HPS5: variants seen among roughly 807,000 people sequenced by gnomAD.
The protein encoded by HPS5 is BLOC-2 complex member HPS5.
Under a neutral mutation model 128.0 loss-of-function variants are expected in HPS5, and 83 were observed. The ratio of observed to expected loss-of-function variants is 0.65; its 90% CI spans 0.54 to 0.78. The LOEUF is 0.78. HPS5 is among the 30% of genes least tolerant of loss of function. The probability of loss-of-function intolerance (pLI) is 0.00; values close to 1 mark genes in which losing one functional copy is unlikely to be tolerated. For missense variants in HPS5, 1,281 were observed against 1,326.2 expected, an observed-to-expected ratio of 0.97 and a Z score of 0.53; for synonymous variants, 475 against 470.2, an observed-to-expected ratio of 1.01 and a Z score of -0.13.
chr11:18,305,569 G>A (rs1862251852), intron 7 of HPS5, 76 bp from the exon 8 acceptor site: 1 of 1,149,174 alleles, frequency 8.7e-7, no homozygotes, highest in Admixed American at 1.8e-5. Context: ...CCCAATATAG[G>A]GAAATTTTTG....
At chr11:18,288,456 T>C in intron 16 of HPS5, among the ~76,000 whole-genome samples, 1 of 152,296 alleles carries the variant, frequency 6.6e-6, no homozygotes, top group Middle Eastern at 3.4e-3. Flanking sequence ...AATTTTAAAA[T>C]ATTTGACCTT....
chr11:18,285,142 T>TA lies in HPS5; in HGVS notation c.2951+203dup, dbSNP rs532196282. On this transcript the variant is annotated intron_variant, in intron 20 of 22. Coordinates refer to ENST00000349215, the MANE Select transcript of HPS5 (RefSeq NM_181507.2). ...TGGAGGGGAATTAGCTAAGGCTATT[T>TA]AAAAAAAAAAAAAAAAGAAAAAAGC... Among the ~76,000 whole-genome samples the TA allele has an allele frequency of 0.032, 3,998 of 125,976 alleles. 150 individuals are homozygous for TA. The highest frequency in any genetic ancestry group is 0.095 in the South Asian group (383 of 4,024). 82.6% of individuals were successfully genotyped at this position (125,976 alleles called of 152,430 possible).
At position 18,305,453 on chromosome 11, in the gene HPS5, A is replaced by G; in HGVS notation, c.865T>C (p.Ser289Pro). The change falls in exon 8 of 23, where the codon TCT (serine) becomes CCT (proline). Residue 289 changes from serine (S) to proline (P), a missense_variant. Transcript: ENST00000349215. ...QYDHTAGSSQSLSFPKLLHLS... is the reference protein window; with the variant it reads ...QYDHTAGSSQPLSFPKLLHLS... Reference sequence around the variant, plus strand: ...TGTAAGAGTTTGGGGAAAGACAAAGACTGGGAGGATCCAGCTGTATGATCA... The same window carrying G: ...TGTAAGAGTTTGGGGAAAGACAAAGGCTGGGAGGATCCAGCTGTATGATCA... The G allele has an allele frequency of 6.2e-7, 1 of 1,611,092 alleles. No homozygotes were observed.
chr11:18,295,375 T>C (rs1324997933), intron 13 of HPS5, among the ~76,000 whole-genome samples: 1 of 152,214 alleles, frequency 6.6e-6, no homozygotes, highest in Non-Finnish European at 1.5e-5. Context: ...TTTACTAAAC[T>C]GCCCTAAGAA....
At position 18,291,909 on chromosome 11, in the gene HPS5, C is replaced by A. The variant is rs1247342646; in HGVS notation, c.1973G>T (p.Gly658Val). 1.7e-5 allele frequency: 27 copies of A among 1,608,646 alleles called. No individual in the cohort carries two copies. The highest frequency in any genetic ancestry group is 2.3e-5 in the Non-Finnish European group (27 of 1,177,926). ...GGATGAGTTGTCAGTATCTGAAACA[C>A]CTGAAAAGTCCTTCATGGCAAATGT... The part of the protein sequence containing the change: ...EKTFAMKDFS[G>V]VSDTDNSSMK... Residue 658 changes from glycine to valine, a missense_variant, in exon 16 of 23, where the codon GGT becomes GTT. Transcript: ENST00000349215.
At chr11:18,308,844 A>AT in intron 6 of HPS5, 102 bp downstream of exon 6, 1 of 1,212,062 alleles carries the variant, frequency 8.3e-7, no homozygotes, top group Non-Finnish European at 1.2e-6. Context: ...AAAAGAAAAA[A>AT]AATCTGTATA....
In HPS5 at chr11:18,305,409, A is replaced by G. The variant is rs773298520; in HGVS notation, c.896+13T>C. On this transcript the variant is annotated intron_variant, in intron 8 of 22. Transcript: ENST00000349215. ...CTTTTTCCCCCCCAGAACTAAGGAA[A>G]GTAGAAACTTACCTAAGATGTAAGA... is the stretch of plus-strand genomic sequence containing the variant. The G allele has an allele frequency of 6.4e-6, 10 of 1,551,276 alleles. No individual in the cohort carries two copies. Among genetic ancestry groups the G allele is most frequent in the Non-Finnish European group, 8.9e-6 (10 of 1,123,050 alleles).
chr11:18,296,740 G>C, intron 12 of HPS5, 58 bp downstream of exon 12: 2 of 1,445,450 alleles, frequency 1.4e-6, no homozygotes, highest in South Asian at 1.1e-5. Context: ...CCTGGTAACA[G>C]GAGCTCGTGG....
chr11:18,321,220 CCTGCTT>C (rs1412019249), intron 1 of HPS5, among the ~76,000 whole-genome samples: 1 of 152,162 alleles, frequency 6.6e-6, no homozygotes, highest in Non-Finnish European at 1.5e-5. Flanking sequence ...TTATCTCCTC[CCTGCTT>C]CTTTTTCCAG....
At chr11:18,312,962 GA>G (rs917470096) in intron 2 of HPS5, among the ~76,000 whole-genome samples, 1 of 152,172 alleles carries the variant, frequency 6.6e-6, no homozygotes, top group Non-Finnish European at 1.5e-5. Flanking sequence ...ATTTGCAGCT[GA>G]AAAAATGTCT....
chr11:18,286,604 C>T lies in HPS5; in HGVS notation c.2824G>A (p.Glu942Lys). 6.2e-7 allele frequency: 1 copy of T among 1,613,860 alleles called. No homozygotes were observed. The highest frequency in any genetic ancestry group is 8.5e-7 in the Non-Finnish European group (1 of 1,179,918). Residue 942 changes from glutamate (E) to lysine (K), a missense_variant, in exon 19 of 23, where the codon GAA (glutamate) becomes AAA (lysine). By Grantham distance (56) the Glu-to-Lys change is moderately conservative. Transcript: ENST00000349215. ...CTTCTTCTGTACCTGGGATAACCTT[C>T]ATCATCCATTGTGCTGGTGCTTGGT... ...APPSTSTMDDEGYPRPHSHLL... is the reference protein window; with the variant it reads ...APPSTSTMDDKGYPRPHSHLL...
chr11:18,286,441 G>A (rs1473740928), intron 19 of HPS5, 150 bp downstream of exon 19: 1 of 737,240 alleles, frequency 1.4e-6, no homozygotes, highest in African/African-American at 1.8e-5. Context: ...GGAAGCTAAG[G>A]TTGAAGGGTT....
At chr11:18,318,374 T>C (rs2133908120) in intron 1 of HPS5, among the ~76,000 whole-genome samples, 1 of 152,198 alleles carries the variant, frequency 6.6e-6, no homozygotes, top group East Asian at 1.9e-4. Context: ...CAGTGGTTTA[T>C]AGGAATAGGC....
intron 1 of HPS5, among the ~76,000 whole-genome samples, chr11:18,319,548 G>C (rs1337619539): frequency 6.6e-6 from 1 of 152,108 alleles, no homozygotes; most frequent in Non-Finnish European, 1.5e-5. Context: ...ACAAGCAACG[G>C]AATAATGAAA....
In HPS5 at chr11:18,293,928, AT is replaced by A. The variant is rs1554934310; in HGVS notation, c.1785-953del. 2.6e-4 allele frequency among the ~76,000 whole-genome samples: 39 copies of A among 152,160 alleles called. No individual in the cohort carries two copies. In the East Asian group the frequency reaches 6.8e-3, roughly 26 times the overall value. On this transcript the variant is annotated intron_variant, in intron 14 of 22. Coordinates refer to ENST00000349215, the MANE Select transcript of HPS5 (RefSeq NM_181507.2). The stretch of plus-strand genomic sequence containing the variant: ...TTAAATGCCATGTCAAAAAATCTGT[AT>A]TTTTTCTATAAACATATGGATTCAC...
chr11:18,305,404 A>C lies in HPS5; in HGVS notation c.896+18T>G. The C allele has an allele frequency of 6.6e-7, 1 of 1,526,600 alleles. No homozygotes were observed. 94.6% of individuals were successfully genotyped at this position (1,526,600 alleles called of 1,614,324 possible). A position where few individuals can be genotyped will look rare whatever the true frequency, so the allele number is the denominator to read the frequency against. ...GTATTCTTTTTCCCCCCCAGAACTA[A>C]GGAAAGTAGAAACTTACCTAAGATG... On this transcript the variant is annotated intron_variant, in intron 8 of 22. Transcript: ENST00000349215.
intron 20 of HPS5, among the ~76,000 whole-genome samples, chr11:18,284,904 A>T (rs915143681): frequency 6.6e-5 from 10 of 152,254 alleles, no homozygotes; most frequent in African/African-American, 2.4e-4. Context: ...TCCTTTATAA[A>T]TACAAATCCT....
At chr11:18,303,182 G>A (rs928369841) in intron 8 of HPS5, among the ~76,000 whole-genome samples, 3 of 152,124 alleles carry the variant, frequency 2.0e-5, no homozygotes, top group African/African-American at 4.8e-5. Context: ...AAACAAACAG[G>A]AATGAAAAGA....
rs1233436493 is a variant in HPS5 at position 18,291,838 on chromosome 11, CCTT to C, written c.2041_2043del (p.Lys681del). On this transcript the variant is annotated inframe_deletion, in exon 16 of 23. Coordinates refer to ENST00000349215, the MANE Select transcript of HPS5 (RefSeq NM_181507.2). ...TTTTCATTATCTTCATCTAATATTC[CCTT>C]TTTTGATTCATTAACTAATAGCACA... 6.2e-7 allele frequency: 1 copy of C among 1,611,446 alleles called. No homozygotes were observed. Among genetic ancestry groups the C allele is most frequent in the African/African-American group, 1.3e-5 (1 of 74,620 alleles).
Sources: gnomAD v4.1 joint callset for allele counts (sites outside exome capture counted in the v4.1 genomes callset) on GRCh38, gnomAD v4.1.1 for gene constraint, MANE v1.5 for transcripts, NCBI Gene and HGNC (gene_info 2026-07-23, HGNC 2026-07-21) for gene names.